SSBP2: variants seen among roughly 807,000 people sequenced by gnomAD.
SSBP2 encodes single-stranded DNA-binding protein 2.
In SSBP2, 17 loss-of-function variants were observed where a neutral mutation model predicts 61.8. The observed-to-expected ratio is 0.28, with a 90% CI of 0.19 to 0.41. SSBP2 has a LOEUF of 0.41. Ranked by LOEUF, SSBP2 falls within the 10% of genes least tolerant of loss-of-function variation. SSBP2 has a pLI of 1.00. For missense variants in SSBP2, 310 were observed against 458.7 expected (o/e 0.68, Z 2.96); for synonymous variants, 139 against 141.3 (o/e 0.98, Z 0.12).
At chr5:81,507,758 A>G (rs572398561) in intron 5 of SSBP2, among the ~76,000 whole-genome samples, 3 of 152,238 alleles carry the variant, frequency 2.0e-5, no homozygotes, top group Middle Eastern at 3.4e-3. Flanking sequence ...CCATTGCATT[A>G]ATGTTCTATA....
intron 4 of SSBP2, among the ~76,000 whole-genome samples, chr5:81,591,919 A>C (rs951859792): frequency 1.3e-5 from 2 of 152,228 alleles, no homozygotes; most frequent in Admixed American, 1.3e-4. Flanking sequence ...GACACAGAAA[A>C]TGGGTGATTT....
intron 8 of SSBP2, among the ~76,000 whole-genome samples, chr5:81,470,305 A>G (rs1486953159): frequency 1.8e-5 from 1 of 55,046 alleles, no homozygotes; most frequent in Non-Finnish European, 3.1e-5. Context: ...TTCATATATG[A>G]TATTAGAAAA....
intron 4 of SSBP2, among the ~76,000 whole-genome samples, chr5:81,521,956 A>T (rs1769522746): frequency 6.6e-6 from 1 of 152,040 alleles, no homozygotes; most frequent in Admixed American, 6.6e-5. Flanking sequence ...GGAAACTAGT[A>T]CACTTGTAGA....
intron 6 of SSBP2, among the ~76,000 whole-genome samples, chr5:81,476,350 CAT>C (rs978211457): frequency 6.6e-6 from 1 of 152,174 alleles, no homozygotes; most frequent in Non-Finnish European, 1.5e-5. Flanking sequence ...TCATGGAAGA[CAT>C]GTTACATTTA....
Position 81,489,355 on chromosome 5 carries a change from A to G in SSBP2, c.373-46T>C, listed in dbSNP as rs199620141. The G allele has an allele frequency of 1.6e-3, 2,387 of 1,473,054 alleles. 2 individuals are homozygous for G. Among genetic ancestry groups the G allele is most frequent in the Non-Finnish European group, 2.0e-3 (2,193 of 1,080,052 alleles). The allele number at this position is 1,473,054 out of a possible 1,614,324, so 91.2% of individuals were successfully genotyped here. On this transcript the variant is annotated intron_variant, in intron 5 of 16. Transcript: ENST00000320672. ...AACAAACAAAACAAAAAACAGTACA[A>G]TGTAAAATACATATCTGAAAATAAA... is the stretch of plus-strand genomic sequence containing the variant.
chr5:81,547,785 A>C (rs1219456079), intron 4 of SSBP2, among the ~76,000 whole-genome samples: 2 of 152,148 alleles, frequency 1.3e-5, no homozygotes, highest in African/African-American at 4.8e-5. Context: ...GAAAACTTAA[A>C]TGCATATTAC....
intron 1 of SSBP2, among the ~76,000 whole-genome samples, chr5:81,669,334 A>G (rs1001672649): frequency 6.6e-6 from 1 of 152,210 alleles, no homozygotes; most frequent in African/African-American, 2.4e-5. Context: ...TATTTACCCA[A>G]ATGAACTGAA....
At chr5:81,591,726 C>T (rs545145991) in intron 4 of SSBP2, among the ~76,000 whole-genome samples, 1 of 152,076 alleles carries the variant, frequency 6.6e-6, no homozygotes, top group South Asian at 2.1e-4. Flanking sequence ...AAAAAAAGTA[C>T]TCAAACTGAA....
At chr5:81,597,825 AG>A (rs1262334564) in intron 4 of SSBP2, among the ~76,000 whole-genome samples, 3 of 133,250 alleles carry the variant, frequency 2.3e-5, no homozygotes, top group African/African-American at 8.5e-5. Flanking sequence ...ACATGGACAC[AG>A]GAAGGGGAAC....
intron 11 of SSBP2, among the ~76,000 whole-genome samples, chr5:81,447,297 A>C (rs1335548733): frequency 6.6e-6 from 1 of 152,228 alleles, no homozygotes; most frequent in Non-Finnish European, 1.5e-5. Flanking sequence ...CGCTTAGAGA[A>C]TATATTTAAA....
chr5:81,691,891 G>A (rs186184279), intron 1 of SSBP2, among the ~76,000 whole-genome samples: 3 of 152,126 alleles, frequency 2.0e-5, no homozygotes, highest in African/African-American at 7.2e-5. Context: ...TTTCAGGGGT[G>A]CAAGGATGGT....
At chr5:81,632,460 G>T (rs1379578716) in intron 3 of SSBP2, among the ~76,000 whole-genome samples, 1 of 152,184 alleles carries the variant, frequency 6.6e-6, no homozygotes, top group African/African-American at 2.4e-5. Flanking sequence ...AAAGCCCTAT[G>T]CATATATTCC....
intron 1 of SSBP2, among the ~76,000 whole-genome samples, chr5:81,698,068 A>G (rs1187061918): frequency 6.6e-6 from 1 of 152,180 alleles, no homozygotes; most frequent in Non-Finnish European, 1.5e-5. Flanking sequence ...ATACTGGGAA[A>G]TTTATGTGAC....
intron 1 of SSBP2, among the ~76,000 whole-genome samples, chr5:81,724,540 T>C (rs1203472316): frequency 6.6e-6 from 1 of 152,062 alleles, no homozygotes; most frequent in Non-Finnish European, 1.5e-5. Context: ...ACATAGTAAG[T>C]GTGTACTACC....
intron 4 of SSBP2, among the ~76,000 whole-genome samples, chr5:81,522,238 T>C (rs1324134832): frequency 6.6e-6 from 1 of 152,030 alleles, no homozygotes; most frequent in East Asian, 1.9e-4. Flanking sequence ...ATTTGAGAAA[T>C]GTGGGAACCC....
chr5:81,561,110 G>A lies in SSBP2; in HGVS notation c.283-47393C>T, dbSNP rs142816882. ...AGTTTTCTCATTTACTTGAATGAAT[G>A]TCTAAAAAAACTAGAGTAAACTATC... On this transcript the variant is annotated intron_variant, in intron 4 of 16. Transcript: ENST00000320672. Among the ~76,000 whole-genome samples the A allele has an allele frequency of 4.7e-3, 721 of 152,218 alleles. 5 individuals are homozygous for A. Among genetic ancestry groups the A allele is most frequent in the African/African-American group, 0.016 (666 of 41,534 alleles).
chr5:81,526,130 A>G (rs142368573), intron 4 of SSBP2, among the ~76,000 whole-genome samples: 1 of 152,208 alleles, frequency 6.6e-6, no homozygotes, highest in African/African-American at 2.4e-5. Context: ...CTGGTTAAGC[A>G]TATTTAAAAT....
chr5:81,486,799 G>C (rs1766418806), intron 6 of SSBP2, among the ~76,000 whole-genome samples: 1 of 152,238 alleles, frequency 6.6e-6, no homozygotes, highest in Non-Finnish European at 1.5e-5. Flanking sequence ...TTCAGATTTG[G>C]TCTATAGGAG....
intron 3 of SSBP2, among the ~76,000 whole-genome samples, chr5:81,624,510 G>C (rs1020275736): frequency 7.2e-5 from 11 of 151,978 alleles, no homozygotes; most frequent in African/African-American, 2.7e-4. Context: ...AATTCTAAAA[G>C]GCTCTAATAA....
Sources: gnomAD v4.1 joint callset for allele counts (sites outside exome capture counted in the v4.1 genomes callset) on GRCh38, gnomAD v4.1.1 for gene constraint, MANE v1.5 for transcripts, NCBI Gene and HGNC (gene_info 2026-07-23, HGNC 2026-07-21) for gene names.